The following SERINC5 variants were observed in gnomAD, a reference collection of about 807,000 sequenced individuals.
The protein encoded by SERINC5 is serine incorporator 5.
Under a neutral mutation model 63.1 loss-of-function variants are expected in SERINC5, and 41 were observed. The observed-to-expected ratio is 0.65, with a 90% CI of 0.51 to 0.84. The LOEUF is 0.84. Ranked by LOEUF, SERINC5 falls within the 40% of genes least tolerant of loss-of-function variation. The probability of loss-of-function intolerance (pLI) is 0.00; values close to 1 mark genes in which losing one functional copy is unlikely to be tolerated. For synonymous variants in SERINC5, 222 were observed against 215.2 expected, an observed-to-expected ratio of 1.03 and a Z score of -0.28; for missense variants, 523 against 573.0, an observed-to-expected ratio of 0.91 and a Z score of 0.89.
Position 80,150,872 on chromosome 5 carries a change from A to T in SERINC5, c.1053+10T>A. 6.2e-7 allele frequency: 1 copy of T among 1,600,494 alleles called. No homozygotes were observed. The highest frequency in any genetic ancestry group is 1.1e-5 in the South Asian group (1 of 90,764). On this transcript the variant is annotated intron_variant, in intron 9 of 11. Transcript: ENST00000507668. ...AGATGAAGCAGGACAGGAAAAGGAA[A>T]TGAACTTACCTCCAATTCAGGAGCT...
rs556581128 is a variant in SERINC5 at position 80,158,166 on chromosome 5, T to G, written c.986+670A>C. Reference sequence around the variant, plus strand: ...CAGCGAAATATATATCCAGATTAACTAGCCATTTCTATCCTTGACTTTTCT... The same window carrying G: ...CAGCGAAATATATATCCAGATTAACGAGCCATTTCTATCCTTGACTTTTCT... On this transcript the variant is annotated intron_variant, in intron 8 of 11. Transcript: ENST00000507668. 9 of 152,332 alleles carry G rather than the reference T, an allele frequency of 5.9e-5. No homozygotes were observed. The East Asian group carries it at 1.5e-3, about 26-fold the overall frequency. The allele number at this position is 152,332 out of a possible 1,614,324, so 9.4% of individuals were successfully genotyped here.
At chr5:80,180,252 T>C (rs1234694590) in intron 2 of SERINC5, among the ~76,000 whole-genome samples, 1 of 152,194 alleles carries the variant, frequency 6.6e-6, no homozygotes, top group Non-Finnish European at 1.5e-5. Flanking sequence ...TGGTCAGTCA[T>C]AAAAACTTGC....
At position 80,173,455 on chromosome 5, in the gene SERINC5, G is replaced by A. The variant is rs983197915; in HGVS notation, c.551+1499C>T. Among the ~76,000 whole-genome samples, 4 of 152,102 alleles carry A rather than the reference G, an allele frequency of 2.6e-5. No homozygotes were observed. In the East Asian group the frequency reaches 5.8e-4, roughly 22 times the overall value. On this transcript the variant is annotated intron_variant, in intron 5 of 11. Transcript: ENST00000507668. ...CTAAAAAATACAAAAAATTAGCCGG[G>A]CATGGTGGCAGGCGACTGTAGTCCC... is the stretch of plus-strand genomic sequence containing the variant.
intron 7 of SERINC5, among the ~76,000 whole-genome samples, chr5:80,159,286 C>T (rs1232030602): frequency 3.3e-5 from 5 of 152,154 alleles, no homozygotes; most frequent in Non-Finnish European, 7.3e-5. Flanking sequence ...AAGGCAGCCT[C>T]TAAAGAGAGG....
chr5:80,151,046 C>T, intron 8 of SERINC5, 98 bp from the exon 9 acceptor site: 1 of 833,804 alleles, frequency 1.2e-6, no homozygotes, highest in Non-Finnish European at 2.1e-6. Context: ...ACGAGAGCCT[C>T]AATGTAACCT....
intron 1 of SERINC5, among the ~76,000 whole-genome samples, chr5:80,230,875 C>T (rs1389858297): frequency 3.9e-5 from 6 of 152,116 alleles, no homozygotes; most frequent in Non-Finnish European, 5.9e-5. Flanking sequence ...TGCAGTGGCA[C>T]GATCACAGCT....
rs917865617 is a variant in SERINC5, at chr5:80,236,041, C to T, written c.27+19855G>A. 1.1e-4 allele frequency among the ~76,000 whole-genome samples: 16 copies of T among 146,638 alleles called. No homozygotes were observed. In the East Asian group the frequency reaches 1.6e-3, roughly 15 times the overall value. On this transcript the variant is annotated intron_variant, in intron 1 of 11. Coordinates refer to ENST00000507668, the MANE Select transcript of SERINC5 (RefSeq NM_001174072.3). Reference sequence around the variant, plus strand: ...GACTCCTTTTTAACCCATTTTATCACGGTTAAATACTGGATCTACACATTA... The same window carrying T: ...GACTCCTTTTTAACCCATTTTATCATGGTTAAATACTGGATCTACACATTA...
At chr5:80,133,272 C>A (rs907358039) in intron 11 of SERINC5, among the ~76,000 whole-genome samples, 1 of 152,156 alleles carries the variant, frequency 6.6e-6, no homozygotes, top group Admixed American at 6.5e-5. Context: ...ATTACCCAGT[C>A]TTGGGTATTC....
At position 80,115,003 on chromosome 5, in the gene SERINC5, C is replaced by T. The variant is rs148377325; in HGVS notation, c.1239-1378G>A. Among the ~76,000 whole-genome samples the T allele has an allele frequency of 8.0e-4, 121 of 152,020 alleles. 2 individuals carry two copies. The highest frequency in any genetic ancestry group is 2.9e-3 in the African/African-American group (118 of 41,340). ...GCAGAGACAATGACTGATTTTCTGC[C>T]GCCCAATCCAGTTGCCCAACCCTCC... On this transcript the variant is annotated intron_variant, in intron 11 of 12. Transcript: ENST00000509193.
At chr5:80,188,416 G>A (rs1198639951) in intron 2 of SERINC5, among the ~76,000 whole-genome samples, 1 of 151,882 alleles carries the variant, frequency 6.6e-6, no homozygotes, top group African/African-American at 2.4e-5. Flanking sequence ...ATAACCCAGT[G>A]TCCTTGCCCA....
chr5:80,172,941 T>C (rs926369497), intron 5 of SERINC5, among the ~76,000 whole-genome samples: 1 of 152,186 alleles, frequency 6.6e-6, no homozygotes, highest in Admixed American at 6.5e-5. Flanking sequence ...ATGTCACTTA[T>C]ATTATCCCCT....
chr5:80,207,657 G>A (rs1395219076), intron 1 of SERINC5, among the ~76,000 whole-genome samples: 1 of 152,086 alleles, frequency 6.6e-6, no homozygotes, highest in Non-Finnish European at 1.5e-5. Context: ...ACAGTGCTAT[G>A]GTATTACAAA....
Position 80,141,453 on chromosome 5 carries a change from G to C in SERINC5, c.*2210C>G, listed in dbSNP as rs996411355. On this transcript the variant is annotated 3_prime_UTR_variant, in exon 12 of 12. Transcript: ENST00000507668. The stretch of plus-strand genomic sequence containing the variant: ...GCCTTGTCAGCTGGACCTTGACTGC[G>C]CGTAAGGTCAGTTTCTCAAATCACA... 11 of 981,944 alleles carry C rather than the reference G, an allele frequency of 1.1e-5. No homozygotes were observed. The highest frequency in any genetic ancestry group is 1.3e-5 in the Non-Finnish European group (11 of 829,986). The allele number at this position is 981,944 out of a possible 1,614,324, so 60.8% of individuals were successfully genotyped here. A position where few individuals can be genotyped will look rare whatever the true frequency, so the allele number is the denominator to read the frequency against.
At chr5:80,239,005 C>A (rs1012350610) in intron 1 of SERINC5, among the ~76,000 whole-genome samples, 1 of 152,146 alleles carries the variant, frequency 6.6e-6, no homozygotes, top group Non-Finnish European at 1.5e-5. Flanking sequence ...TAGGAGAGCA[C>A]AGGGGTAGTA....
At chr5:80,165,177 TAC>T (rs909659157) in intron 7 of SERINC5, among the ~76,000 whole-genome samples, 1 of 152,136 alleles carries the variant, frequency 6.6e-6, no homozygotes, top group East Asian at 1.9e-4. Flanking sequence ...TATGTAAACT[TAC>T]AGAGTCAAGA....
chr5:80,215,576 A>T (rs1039111696), intron 1 of SERINC5, among the ~76,000 whole-genome samples: 9 of 152,128 alleles, frequency 5.9e-5, no homozygotes, highest in African/African-American at 1.7e-4. Flanking sequence ...GGGTTTCTTA[A>T]ATTTTATTTT....
chr5:80,222,553 A>AGTATGTGAGT (rs550308144), intron 1 of SERINC5, among the ~76,000 whole-genome samples: 39,860 of 138,300 alleles, frequency 0.29, 5,524 homozygotes, highest in Admixed American at 0.4. Flanking sequence ...TTTGTGGGTG[A>AGTATGTGAGT]GTGTGTGAGT....
At chr5:80,207,987 G>A (rs1030685458) in intron 1 of SERINC5, among the ~76,000 whole-genome samples, 1 of 152,098 alleles carries the variant, frequency 6.6e-6, no homozygotes, top group Non-Finnish European at 1.5e-5. Context: ...GCCACCTACA[G>A]GGTTAAGACA....
chr5:80,159,004 G>A (rs750640096), intron 7 of SERINC5, 42 bp from the exon 8 acceptor site: 7 of 1,609,406 alleles, frequency 4.3e-6, no homozygotes, highest in Non-Finnish European at 5.9e-6. Context: ...AAGTACAAAG[G>A]CCAGTTGTAA....
Sources: allele counts gnomAD v4.1 joint callset (sites outside exome capture counted in the v4.1 genomes callset), GRCh38; gene constraint gnomAD v4.1.1; transcripts MANE v1.5; gene names NCBI Gene and HGNC (gene_info 2026-07-23, HGNC 2026-07-21).